RTKN2: variants seen among roughly 807,000 people sequenced by gnomAD.
RTKN2 encodes rhotekin 2, also known as rhotekin-2.
In RTKN2, 69 loss-of-function variants were observed where a neutral mutation model predicts 71.5. That is an observed-to-expected ratio of 0.96 (90% confidence interval 0.79 to 1.18). The LOEUF (loss-of-function observed/expected upper bound fraction) is 1.18. Ranked by LOEUF, RTKN2 falls within the 50% of genes most tolerant of loss-of-function variation. The pLI is 0.00. For missense variants in RTKN2, 724 were observed against 719.7 expected, an observed-to-expected ratio of 1.01 and a Z score of -0.07; for synonymous variants, 236 against 236.5, an observed-to-expected ratio of 1.00 and a Z score of 0.02.
intron 2 of RTKN2, among the ~76,000 whole-genome samples, chr10:62,252,604 C>T (rs1376073808): frequency 6.6e-6 from 1 of 150,698 alleles, no homozygotes; most frequent in African/African-American, 2.4e-5. Context: ...AGAAATAACA[C>T]AACTTGAAAA....
intron 6 of RTKN2, among the ~76,000 whole-genome samples, chr10:62,230,007 A>C (rs1375056515): frequency 6.6e-6 from 1 of 152,176 alleles, no homozygotes; most frequent in Non-Finnish European, 1.5e-5. Context: ...AGAAAGTTGA[A>C]TGTGCAGTAT....
chr10:62,253,574 T>A (rs993505638), intron 2 of RTKN2, among the ~76,000 whole-genome samples: 9 of 152,080 alleles, frequency 5.9e-5, no homozygotes, highest in Admixed American at 5.2e-4. Flanking sequence ...AAACAGACCA[T>A]ATTAAGTCAT....
chr10:62,199,920 T>A, intron 10 of RTKN2, 59 bp from the exon 11 acceptor site: 1 of 1,070,310 alleles, frequency 9.3e-7, no homozygotes, highest in Non-Finnish European at 1.4e-6. Flanking sequence ...GATATATATT[T>A]CATTTTTAAT....
chr10:62,195,498 G>A lies in RTKN2; in HGVS notation c.*2410C>T, dbSNP rs1380924689. 2.3e-6 allele frequency: 2 copies of A among 884,530 alleles called. No individual in the cohort carries two copies. The highest frequency in any genetic ancestry group is 1.2e-4 in the East Asian group (1 of 8,326). 54.8% of individuals were successfully genotyped at this position (884,530 alleles called of 1,614,324 possible). A position where few individuals can be genotyped will look rare whatever the true frequency, so the allele number is the denominator to read the frequency against. On this transcript the variant is annotated 3_prime_UTR_variant, in exon 12 of 12. Transcript: ENST00000373789. The stretch of plus-strand genomic sequence containing the variant: ...GGGAGGAAGGAGAGACAGAAGGAAA[G>A]TGGGAAAAGGGGATGAGACAGAGAG...
intron 6 of RTKN2, 69 bp from the exon 7 acceptor site, chr10:62,223,401 G>T: frequency 1.1e-6 from 1 of 903,916 alleles, no homozygotes. Context: ...ATATTTGTAT[G>T]TTCAACAACA....
intron 10 of RTKN2, among the ~76,000 whole-genome samples, chr10:62,202,898 C>T (rs1841472551): frequency 6.6e-6 from 1 of 152,332 alleles, no homozygotes; most frequent in East Asian, 1.9e-4. Context: ...CGGTGGCTCA[C>T]ACCTGTAATC....
At position 62,198,063 on chromosome 10, in the gene RTKN2, G is replaced by A; in HGVS notation, c.1675C>T (p.Pro559Ser). 6.2e-7 allele frequency: 1 copy of A among 1,614,040 alleles called. No homozygotes were observed. Among genetic ancestry groups the A allele is most frequent in the Non-Finnish European group, 8.5e-7 (1 of 1,179,954 alleles). Reference protein sequence around the residue: ...MHHLQKPMAAPRKLLPARRNR... With the variant: ...MHHLQKPMAASRKLLPARRNR... Reference sequence around the variant, plus strand: ...CTCCTGGCAGGCAGAAGTTTTCGAGGAGCAGCCATTGGTTTCTGTAAGTGA... The same window carrying A: ...CTCCTGGCAGGCAGAAGTTTTCGAGAAGCAGCCATTGGTTTCTGTAAGTGA... The change falls in exon 12 of 12, where the codon CCT (proline) becomes TCT (serine). Residue 559 changes from proline to serine, a missense_variant. Physicochemically the swap from Pro to Ser is moderately conservative, Grantham distance 74 (BLOSUM62 -1). Transcript: ENST00000373789.
intron 4 of RTKN2, 127 bp from the exon 5 acceptor site, chr10:62,239,892 C>T (rs1297710495): frequency 1.5e-5 from 9 of 598,186 alleles, no homozygotes; most frequent in East Asian, 3.1e-5. Context: ...ATACTGTAAC[C>T]CTTAAGTCTT....
Position 62,195,812 on chromosome 10 carries a change from G to C in RTKN2, c.*2096C>G. On this transcript the variant is annotated 3_prime_UTR_variant, in exon 12 of 12. Coordinates refer to ENST00000373789, the MANE Select transcript of RTKN2 (RefSeq NM_145307.4). ...CAGAAAGAGACCGAATAATTTGGTG[G>C]GGAGGGGGTGGTGGTCCTTGCTCAG... 2.0e-6 allele frequency: 2 copies of C among 985,506 alleles called. No homozygotes were observed. The highest frequency in any genetic ancestry group is 2.4e-6 in the Non-Finnish European group (2 of 830,040). The allele number at this position is 985,506 out of a possible 1,614,324, so 61.0% of individuals were successfully genotyped here. A position where few individuals can be genotyped will look rare whatever the true frequency, so the allele number is the denominator to read the frequency against.
intron 9 of RTKN2, among the ~76,000 whole-genome samples, 159 bp from the exon 10 acceptor site, chr10:62,205,181 T>C (rs1284628992): frequency 2.6e-5 from 4 of 152,210 alleles, no homozygotes; most frequent in African/African-American, 4.8e-5. Context: ...GAATTTTTTA[T>C]ATTCAAACTC....
chr10:62,191,004 A>G (rs1423392531), downstream of RTKN2, among the ~76,000 whole-genome samples: 1 of 152,152 alleles, frequency 6.6e-6, no homozygotes. Context: ...AATGCTGCAA[A>G]ATGAAACTCC....
intron 8 of RTKN2, among the ~76,000 whole-genome samples, chr10:62,185,942 T>A (rs1199497614): frequency 6.6e-6 from 1 of 152,254 alleles, no homozygotes; most frequent in Non-Finnish European, 1.5e-5. Flanking sequence ...TAACCTCTTA[T>A]TGAATTCTTG....
intron 9 of RTKN2, among the ~76,000 whole-genome samples, chr10:62,214,595 T>A (rs986323550): frequency 2.0e-5 from 3 of 152,112 alleles, no homozygotes; most frequent in African/African-American, 7.2e-5. Flanking sequence ...TGGAATTAGA[T>A]CCTTGTCATC....
Position 62,197,411 on chromosome 10 carries a change from G to A in RTKN2, c.*497C>T. On this transcript the variant is annotated 3_prime_UTR_variant, in exon 12 of 12. Transcript: ENST00000373789. ...CTAGTGAGTTAAACAATAGATGAGA[G>A]CCAGTGAACCATTAGATGAGAATTC... 2.0e-6 allele frequency: 2 copies of A among 986,346 alleles called. No homozygotes were observed. The highest frequency in any genetic ancestry group is 2.4e-6 in the Non-Finnish European group (2 of 830,334). The allele number at this position is 986,346 out of a possible 1,614,324, so 61.1% of individuals were successfully genotyped here.
Position 62,193,223 on chromosome 10 carries a change from T to G in RTKN2, c.*4685A>C, listed in dbSNP as rs997090590. The G allele has an allele frequency of 1.7e-5, 15 of 906,092 alleles. No homozygotes were observed. The South Asian group carries it at 2.5e-4, about 15-fold the overall frequency. 56.1% of individuals were successfully genotyped at this position (906,092 alleles called of 1,614,324 possible). On this transcript the variant is annotated 3_prime_UTR_variant, in exon 12 of 12. Coordinates refer to ENST00000373789, the MANE Select transcript of RTKN2 (RefSeq NM_145307.4). ...TTTTCAACAAAACAATTTATTTTGATATCTTGAACCATCTGACATAATTAT... is the reference window on the plus strand; with the variant it reads ...TTTTCAACAAAACAATTTATTTTGAGATCTTGAACCATCTGACATAATTAT...
At chr10:62,218,492 G>A (rs1841829044) in intron 7 of RTKN2, among the ~76,000 whole-genome samples, 191 bp from the exon 8 acceptor site, 1 of 152,090 alleles carries the variant, frequency 6.6e-6, no homozygotes, top group South Asian at 2.1e-4. Context: ...AATCAAATAT[G>A]AGAATAGAAA....
intron 9 of RTKN2, among the ~76,000 whole-genome samples, chr10:62,211,112 A>T (rs1841650506): frequency 6.6e-6 from 1 of 152,194 alleles, no homozygotes; most frequent in Non-Finnish European, 1.5e-5. Flanking sequence ...ACTTTTTTTT[A>T]ACCGTCACAC....
At chr10:62,219,483 A>G (rs917596412) in intron 7 of RTKN2, among the ~76,000 whole-genome samples, 1 of 152,218 alleles carries the variant, frequency 6.6e-6, no homozygotes, top group African/African-American at 2.4e-5. Context: ...AACATCTTGA[A>G]TGGACTCTGA....
rs149988048 is a variant in RTKN2, at chr10:62,244,654, T to G, written c.316+1345A>C. Among the ~76,000 whole-genome samples the G allele has an allele frequency of 2.6e-3, 393 of 152,244 alleles. 2 individuals carry two copies. The highest frequency in any genetic ancestry group is 9.0e-3 in the African/African-American group (374 of 41,554). ...CTATAGTAATTTATTCACAAAAAAT[T>G]TATTGCACATAATGAACAATACCAC... is the stretch of plus-strand genomic sequence containing the variant. On this transcript the variant is annotated intron_variant, in intron 3 of 11. Coordinates refer to ENST00000373789, the MANE Select transcript of RTKN2 (RefSeq NM_145307.4).
Sources: allele counts gnomAD v4.1 joint callset (sites outside exome capture counted in the v4.1 genomes callset), GRCh38; gene constraint gnomAD v4.1.1; transcripts MANE v1.5; gene names NCBI Gene and HGNC (gene_info 2026-07-23, HGNC 2026-07-21).